The following RALYL variants were observed in gnomAD, a reference collection of about 807,000 sequenced individuals.
RALYL encodes the protein RNA-binding Raly-like protein.
In RALYL, 29 loss-of-function variants were observed where a neutral mutation model predicts 35.1. The observed-to-expected ratio is 0.83, with a 90% confidence interval of 0.61 to 1.13. The LOEUF is 1.13. RALYL is among the 50% of genes most tolerant of loss of function. The pLI is 0.00. For synonymous variants in RALYL, 120 were observed against 127.6 expected (o/e 0.94, Z 0.40); for missense variants, 359 against 360.4 (o/e 1.00, Z 0.03).
intron 7 of RALYL, among the ~76,000 whole-genome samples, chr8:84,875,635 G>A (rs1161856025): frequency 6.6e-6 from 1 of 151,938 alleles, no homozygotes; most frequent in Non-Finnish European, 1.5e-5. Context: ...TTCCTGAATA[G>A]TGTATTTATA....
rs57901276 is a variant in RALYL at position 84,342,277 on chromosome 8, AATATATAT to A, written c.-24+157865_-24+157872del. Among the ~76,000 whole-genome samples the A allele has an allele frequency of 1.8e-4, 12 of 66,112 alleles. 1 individual carries two copies. Among genetic ancestry groups the A allele is most frequent in the Non-Finnish European group, 2.6e-4 (9 of 34,750 alleles). 43.4% of individuals were successfully genotyped at this position (66,112 alleles called of 152,430 possible). Reference sequence around the variant, plus strand: ...TGAGTGAGGGTACAGAGCATCGTTCAATATATATATATATATATAAAACTCAAAAAGTG... The same window carrying A: ...TGAGTGAGGGTACAGAGCATCGTTCAATATATATATAAAACTCAAAAAGTG... On this transcript the variant is annotated intron_variant, in intron 1 of 8. Transcript: ENST00000521268.
intron 3 of RALYL, among the ~76,000 whole-genome samples, chr8:84,789,400 T>C (rs765658823): frequency 6.6e-6 from 1 of 152,242 alleles, no homozygotes; most frequent in Non-Finnish European, 1.5e-5. Context: ...AAGACACTTA[T>C]GATACTGTGA....
chr8:84,515,902 A>G (rs1372598258), intron 1 of RALYL, among the ~76,000 whole-genome samples: 2 of 152,018 alleles, frequency 1.3e-5, no homozygotes, highest in African/African-American at 2.4e-5. Flanking sequence ...AATTCATCGT[A>G]TGATTATTAA....
intron 1 of RALYL, among the ~76,000 whole-genome samples, chr8:84,501,310 G>A (rs1443080794): frequency 6.6e-6 from 1 of 152,074 alleles, no homozygotes; most frequent in Non-Finnish European, 1.5e-5. Flanking sequence ...CGTATTGTTT[G>A]CCCTTCAAAT....
intron 2 of RALYL, among the ~76,000 whole-genome samples, chr8:84,675,751 C>A (rs1834066343): frequency 6.6e-6 from 1 of 152,074 alleles, no homozygotes; most frequent in Non-Finnish European, 1.5e-5. Flanking sequence ...TGGCGTTTCA[C>A]CATAGTCCAT....
chr8:84,834,166 T>C (rs1831481630), intron 4 of RALYL, among the ~76,000 whole-genome samples: 1 of 152,226 alleles, frequency 6.6e-6, no homozygotes, highest in Non-Finnish European at 1.5e-5. Flanking sequence ...TCACATATGG[T>C]TATTCTCAAC....
rs1331087251 is a variant in RALYL, at chr8:84,388,587, G to A, written c.-23-140712G>A. Among the ~76,000 whole-genome samples the A allele has an allele frequency of 2.6e-5, 4 of 151,284 alleles. No homozygotes were observed. The East Asian group carries it at 7.7e-4, about 29-fold the overall frequency. On this transcript the variant is annotated intron_variant, in intron 1 of 8. Transcript: ENST00000521268. ...AGTTTTGATTTGCATTTCTCTGATG[G>A]CCAGTGATGGTGAGCATTTTTTCAT... is the stretch of plus-strand genomic sequence containing the variant.
intron 4 of RALYL, among the ~76,000 whole-genome samples, chr8:84,837,921 T>A (rs1410485049): frequency 6.6e-6 from 1 of 152,208 alleles, no homozygotes. Flanking sequence ...CCTCAGCATT[T>A]CCTTGGTTGA....
Position 84,288,239 on chromosome 8 carries a change from G to A in RALYL, c.-24+103815G>A, listed in dbSNP as rs531423911. 8.6e-4 allele frequency among the ~76,000 whole-genome samples: 130 copies of A among 151,866 alleles called. 4 individuals carry two copies. The South Asian group carries it at 0.022, about 26-fold the overall frequency. On this transcript the variant is annotated intron_variant, in intron 1 of 8. Coordinates refer to ENST00000521268, the MANE Select transcript of RALYL (RefSeq NM_173848.7). ...ATGTCTGGTTGCTTTCAAAAATCCCGACACCCAGGCCACATCCGCAGGAAT... is the reference window on the plus strand; with the variant it reads ...ATGTCTGGTTGCTTTCAAAAATCCCAACACCCAGGCCACATCCGCAGGAAT...
intron 2 of RALYL, among the ~76,000 whole-genome samples, chr8:84,562,480 T>C (rs189062977): frequency 6.6e-6 from 1 of 151,988 alleles, no homozygotes; most frequent in Non-Finnish European, 1.5e-5. Context: ...TCTACCAATA[T>C]ATTAATAAAA....
chr8:84,498,914 C>T (rs562173657), intron 1 of RALYL, among the ~76,000 whole-genome samples: 1 of 151,614 alleles, frequency 6.6e-6, no homozygotes, highest in East Asian at 1.9e-4. Context: ...TTTTTCTAAC[C>T]TAGTTACAAT....
At chr8:84,612,387 A>G (rs965333521) in intron 2 of RALYL, among the ~76,000 whole-genome samples, 11 of 152,054 alleles carry the variant, frequency 7.2e-5, no homozygotes, top group Non-Finnish European at 8.8e-5. Flanking sequence ...AGGAGAGCAT[A>G]CTTAAGTTGT....
chr8:84,206,117 G>T (rs1817996928), intron 1 of RALYL, among the ~76,000 whole-genome samples: 1 of 152,112 alleles, frequency 6.6e-6, no homozygotes, highest in African/African-American at 2.4e-5. Context: ...ACATATTCTG[G>T]AGTACTGAGG....
chr8:84,211,371 A>G (rs1819451502), intron 1 of RALYL, among the ~76,000 whole-genome samples: 2 of 152,118 alleles, frequency 1.3e-5, no homozygotes, highest in Non-Finnish European at 2.9e-5. Flanking sequence ...TTCCACTCGC[A>G]GCTTGGACTG....
chr8:84,710,784 G>A (rs1282976682), intron 2 of RALYL, among the ~76,000 whole-genome samples: 1 of 152,064 alleles, frequency 6.6e-6, no homozygotes, highest in Non-Finnish European at 1.5e-5. Flanking sequence ...GTCTAATGAA[G>A]TTTATCGACT....
intron 1 of RALYL, among the ~76,000 whole-genome samples, chr8:84,377,455 T>TTA (rs1857132009): frequency 2.8e-5 from 4 of 141,288 alleles, no homozygotes. Flanking sequence ...TTAACTGTTT[T>TTA]TTTTTTTTTT....
At chr8:84,722,645 A>ATATATATATATG (rs1336047176) in intron 2 of RALYL, among the ~76,000 whole-genome samples, 2 of 138,780 alleles carry the variant, frequency 1.4e-5, no homozygotes, top group Admixed American at 7.2e-5. Flanking sequence ...ATATATATAT[A>ATATATATATATG]TATGTATGTA....
At chr8:84,241,933 A>C (rs1777533104) in intron 1 of RALYL, among the ~76,000 whole-genome samples, 1 of 152,028 alleles carries the variant, frequency 6.6e-6, no homozygotes, top group Admixed American at 6.6e-5. Context: ...GGTTTGTTGC[A>C]CAGATAAACC....
At chr8:84,379,444 TCTAGCATTCATATTA>T (rs770304294) in intron 1 of RALYL, among the ~76,000 whole-genome samples, 16 of 151,946 alleles carry the variant, frequency 1.1e-4, no homozygotes, top group Non-Finnish European at 1.2e-4. Flanking sequence ...TGTAGTACTT[TCTAGCATTCATATTA>T]CTATGATAGT....
Sources: allele counts gnomAD v4.1 joint callset (sites outside exome capture counted in the v4.1 genomes callset), GRCh38; gene constraint gnomAD v4.1.1; transcripts MANE v1.5; gene names NCBI Gene and HGNC (gene_info 2026-07-23, HGNC 2026-07-21).